DPYD: variants seen among roughly 807,000 people sequenced by gnomAD.
The protein encoded by DPYD is dihydropyrimidine dehydrogenase [NADP(+)].
DPYD carries 109 observed loss-of-function variants against 116.2 expected under a neutral mutation model. That is an observed-to-expected ratio of 0.94 (90% CI 0.80 to 1.10). The LOEUF is 1.10. Among genes scored for constraint, DPYD ranks in the 50% least tolerant of loss-of-function variants. The probability of loss-of-function intolerance (pLI) is 0.00; values close to 1 mark genes in which losing one functional copy is unlikely to be tolerated. For missense variants in DPYD, 1,302 were observed against 1,254.5 expected (o/e 1.04, Z -0.57); for synonymous variants, 440 against 432.0 (o/e 1.02, Z -0.23).
At chr1:97,291,975 A>C (rs1666211746) in intron 18 of DPYD, among the ~76,000 whole-genome samples, 1 of 152,196 alleles carries the variant, frequency 6.6e-6, no homozygotes, top group Non-Finnish European at 1.5e-5. Context: ...CAAACATTTT[A>C]AATTTTTTTT....
At chr1:97,293,959 A>G (rs967418558) in intron 18 of DPYD, among the ~76,000 whole-genome samples, 1 of 152,020 alleles carries the variant, frequency 6.6e-6, no homozygotes, top group Admixed American at 6.6e-5. Flanking sequence ...AACAAAAAAA[A>G]CCAGTCCAAT....
intron 14 of DPYD, among the ~76,000 whole-genome samples, chr1:97,398,289 T>C (rs1349777865): frequency 6.6e-6 from 1 of 152,202 alleles, no homozygotes; most frequent in Non-Finnish European, 1.5e-5. Context: ...TTATTTTTTA[T>C]GGCTGCATAG....
At chr1:97,709,846 T>C (rs1031820427) in intron 5 of DPYD, among the ~76,000 whole-genome samples, 1 of 151,850 alleles carries the variant, frequency 6.6e-6, no homozygotes, top group African/African-American at 2.4e-5. Flanking sequence ...AAAATAAACA[T>C]AAATGTTTGA....
At chr1:97,741,308 T>C (rs1664259178) in intron 3 of DPYD, among the ~76,000 whole-genome samples, 1 of 152,160 alleles carries the variant, frequency 6.6e-6, no homozygotes, top group African/African-American at 2.4e-5. Flanking sequence ...CATATAAACT[T>C]CCTGCATATT....
chr1:97,314,527 T>C (rs948684251), intron 16 of DPYD, among the ~76,000 whole-genome samples: 4 of 141,096 alleles, frequency 2.8e-5, no homozygotes, highest in African/African-American at 1.1e-4. Context: ...TGGACAAGAA[T>C]TGCCATACAC....
chr1:97,238,862 G>A (rs1662129100), intron 18 of DPYD, among the ~76,000 whole-genome samples: 1 of 152,228 alleles, frequency 6.6e-6, no homozygotes, highest in Non-Finnish European at 1.5e-5. Context: ...CATCTACATG[G>A]GGTGGCCAGA....
At chr1:97,644,076 G>T (rs1166145146) in intron 8 of DPYD, among the ~76,000 whole-genome samples, 1 of 151,408 alleles carries the variant, frequency 6.6e-6, no homozygotes, top group East Asian at 1.9e-4. Context: ...AGAACTTAAA[G>T]TATAATAAAA....
At position 97,698,816 on chromosome 1, in the gene DPYD, T is replaced by C. The variant is rs181417739; in HGVS notation, c.680+535A>G. Among the ~76,000 whole-genome samples the C allele has an allele frequency of 3.9e-3, 592 of 152,056 alleles. 6 individuals carry two copies. Among genetic ancestry groups the C allele is most frequent in the African/African-American group, 0.014 (571 of 41,566 alleles). On this transcript the variant is annotated intron_variant, in intron 6 of 22. Transcript: ENST00000370192. ...CAATATATATTCCCATTTCCATGTA[T>C]AAATTTTCATGGGAATAATATGATC...
chr1:97,249,638 A>G (rs1424795609), intron 18 of DPYD, among the ~76,000 whole-genome samples: 3 of 152,180 alleles, frequency 2.0e-5, no homozygotes, highest in African/African-American at 7.2e-5. Context: ...AACAAAATAC[A>G]TCATTAAGAA....
intron 13 of DPYD, among the ~76,000 whole-genome samples, chr1:97,508,029 T>C (rs562391058): frequency 6.6e-6 from 1 of 152,130 alleles, no homozygotes; most frequent in Non-Finnish European, 1.5e-5. Flanking sequence ...ATGTATTGCG[T>C]CCTTTCTATC....
intron 4 of DPYD, among the ~76,000 whole-genome samples, chr1:97,723,505 G>A (rs1663040976): frequency 6.6e-6 from 1 of 151,314 alleles, no homozygotes; most frequent in African/African-American, 2.4e-5. Flanking sequence ...ATATAAGCTG[G>A]AGGACATATA....
intron 5 of DPYD, among the ~76,000 whole-genome samples, chr1:97,715,513 T>C (rs1302502037): frequency 3.3e-5 from 5 of 152,142 alleles, no homozygotes; most frequent in Admixed American, 3.3e-4. Context: ...CCAATCAATG[T>C]TAGTTTGATT....
chr1:97,869,123 C>T (rs1329300493), intron 2 of DPYD, among the ~76,000 whole-genome samples: 1 of 151,748 alleles, frequency 6.6e-6, no homozygotes, highest in Non-Finnish European at 1.5e-5. Flanking sequence ...CCTGCTCAAA[C>T]AGCCCAGAAT....
At chr1:97,406,394 A>T (rs1300783270) in intron 14 of DPYD, among the ~76,000 whole-genome samples, 1 of 85,018 alleles carries the variant, frequency 1.2e-5, no homozygotes, top group Non-Finnish European at 2.6e-5. Flanking sequence ...AGGAATTTTT[A>T]TTTATTTATT....
chr1:97,620,192 C>G (rs772909717), intron 8 of DPYD, among the ~76,000 whole-genome samples: 38 of 152,028 alleles, frequency 2.5e-4, no homozygotes, highest in Non-Finnish European at 4.6e-4. Flanking sequence ...ATTTTGAAGG[C>G]ATTTACATTT....
intron 13 of DPYD, among the ~76,000 whole-genome samples, chr1:97,455,641 A>G (rs923001461): frequency 6.6e-6 from 1 of 151,960 alleles, no homozygotes; most frequent in Non-Finnish European, 1.5e-5. Context: ...TGAATAGCTA[A>G]AAGTGAAATA....
chr1:97,599,117 C>T (rs1571033494), intron 8 of DPYD, among the ~76,000 whole-genome samples: 1 of 152,220 alleles, frequency 6.6e-6, no homozygotes, highest in Admixed American at 6.5e-5. Flanking sequence ...GGACTGGCTG[C>T]TTCTCTTGTC....
At chr1:97,363,993 C>T (rs1042771662) in intron 16 of DPYD, among the ~76,000 whole-genome samples, 1 of 152,102 alleles carries the variant, frequency 6.6e-6, no homozygotes, top group Non-Finnish European at 1.5e-5. Flanking sequence ...CATGTTGCTA[C>T]AAAAGACATT....
chr1:97,844,319 G>A (rs1398364896), intron 2 of DPYD, among the ~76,000 whole-genome samples: 2 of 152,282 alleles, frequency 1.3e-5, no homozygotes, highest in East Asian at 1.9e-4. Flanking sequence ...ATGCTGATGA[G>A]ATGACTGATG....
Sources: gnomAD v4.1 joint callset for allele counts (sites outside exome capture counted in the v4.1 genomes callset) on GRCh38, gnomAD v4.1.1 for gene constraint, MANE v1.5 for transcripts, NCBI Gene and HGNC (gene_info 2026-07-23, HGNC 2026-07-21) for gene names.